GRM8: variants seen among roughly 807,000 people sequenced by gnomAD.
GRM8 encodes the protein glutamate metabotropic receptor 8.
In GRM8, 47 loss-of-function variants were observed where a neutral mutation model predicts 87.2. The ratio of observed to expected loss-of-function variants is 0.54; its 90% CI spans 0.43 to 0.69. GRM8 has a LOEUF of 0.69. GRM8 is among the 30% of genes least tolerant of loss of function. GRM8 has a pLI of 0.00. For synonymous variants in GRM8, 396 were observed against 404.5 expected (o/e 0.98, Z 0.25); for missense variants, 1,019 against 1,139.2 (o/e 0.89, Z 1.52).
At chr7:126,962,621 T>C (rs1809436507) in intron 3 of GRM8, among the ~76,000 whole-genome samples, 2 of 152,230 alleles carry the variant, frequency 1.3e-5, no homozygotes, top group East Asian at 3.8e-4. Context: ...ATAGATACTG[T>C]GCCTTTTAAT....
At chr7:127,020,207 T>A (rs138556183) in intron 3 of GRM8, among the ~76,000 whole-genome samples, 1 of 152,114 alleles carries the variant, frequency 6.6e-6, no homozygotes. Flanking sequence ...GTTAGTATTA[T>A]GTAATCACAA....
chr7:127,149,812 A>G (rs1828752997), intron 2 of GRM8, among the ~76,000 whole-genome samples: 1 of 152,094 alleles, frequency 6.6e-6, no homozygotes, highest in Non-Finnish European at 1.5e-5. Context: ...GGGGGAAAAA[A>G]ATCACATGAC....
intron 1 of GRM8, among the ~76,000 whole-genome samples, chr7:127,247,304 C>G (rs907341334): frequency 1.3e-5 from 2 of 152,206 alleles, no homozygotes; most frequent in Non-Finnish European, 2.9e-5. Flanking sequence ...TCTGCCATCA[C>G]ATCTTCCTTG....
At chr7:126,930,360 T>A (rs898573792) in intron 3 of GRM8, among the ~76,000 whole-genome samples, 2 of 152,198 alleles carry the variant, frequency 1.3e-5, no homozygotes, top group African/African-American at 4.8e-5. Flanking sequence ...GTGGCTGGCA[T>A]ACAAAATAAA....
intron 9 of GRM8, among the ~76,000 whole-genome samples, chr7:126,467,556 T>C (rs1250677622): frequency 6.6e-6 from 1 of 152,038 alleles, no homozygotes; most frequent in Non-Finnish European, 1.5e-5. Flanking sequence ...TATTGAATTG[T>C]TGCTTCCACT....
At chr7:126,440,596 CTATGTTTAGA>C (rs1400816545) in intron 10 of GRM8, among the ~76,000 whole-genome samples, 4 of 151,970 alleles carry the variant, frequency 2.6e-5, no homozygotes, top group Middle Eastern at 3.4e-3. Flanking sequence ...TGTATCTTTA[CTATGTTTAGA>C]TATGTTTAGA....
chr7:127,051,509 G>A (rs2132492729), intron 3 of GRM8, among the ~76,000 whole-genome samples: 1 of 152,092 alleles, frequency 6.6e-6, no homozygotes, highest in East Asian at 1.9e-4. Context: ...ACCTTTTCAT[G>A]ATCCACCAGC....
chr7:126,667,593 T>G (rs1805906399), intron 7 of GRM8, among the ~76,000 whole-genome samples: 1 of 152,168 alleles, frequency 6.6e-6, no homozygotes, highest in Admixed American at 6.5e-5. Flanking sequence ...GACAATGGAC[T>G]TCCAAGATTC....
intron 7 of GRM8, among the ~76,000 whole-genome samples, chr7:126,726,013 T>A (rs1178604486): frequency 6.6e-6 from 1 of 152,146 alleles, no homozygotes; most frequent in African/African-American, 2.4e-5. Flanking sequence ...CATTTCAACA[T>A]CAGATTTGGG....
In GRM8 at chr7:126,764,145, C is replaced by T. The variant is rs538760202; in HGVS notation, c.1357+5720G>A. ...TGAAAATCATCATGAAGTAATTTTT[C>T]CCTTATAGTAATAATCTTTGTCATT... On this transcript the variant is annotated intron_variant, in intron 7 of 10. Coordinates refer to ENST00000339582, the MANE Select transcript of GRM8 (RefSeq NM_000845.3). Among the ~76,000 whole-genome samples the T allele has an allele frequency of 1.0e-3, 158 of 151,902 alleles. No individual in the cohort carries two copies. The Middle Eastern group carries it at 0.014, about 13-fold the overall frequency.
At chr7:126,536,190 A>G (rs1030653037) in intron 8 of GRM8, among the ~76,000 whole-genome samples, 5 of 152,198 alleles carry the variant, frequency 3.3e-5, no homozygotes, top group African/African-American at 1.2e-4. Flanking sequence ...CTTCCAAAGC[A>G]GCCCGAAGTA....
chr7:126,468,843 T>C (rs563144488), intron 9 of GRM8, among the ~76,000 whole-genome samples: 7 of 152,264 alleles, frequency 4.6e-5, no homozygotes, highest in African/African-American at 1.7e-4. Context: ...TACTATTAGA[T>C]TGTCCTCTTC....
At chr7:126,446,740 G>C (rs1236957919) in intron 9 of GRM8, among the ~76,000 whole-genome samples, 1 of 151,978 alleles carries the variant, frequency 6.6e-6, no homozygotes, top group Non-Finnish European at 1.5e-5. Flanking sequence ...AGTGGGCCAA[G>C]TGTTATTGTA....
chr7:126,938,685 A>G (rs1806587149), intron 3 of GRM8, among the ~76,000 whole-genome samples: 1 of 152,228 alleles, frequency 6.6e-6, no homozygotes, highest in African/African-American at 2.4e-5. Flanking sequence ...GAATTGTAAA[A>G]TTAAGACAAT....
At chr7:127,085,355 AT>A (rs1460493226) in intron 3 of GRM8, among the ~76,000 whole-genome samples, 2 of 152,192 alleles carry the variant, frequency 1.3e-5, no homozygotes, top group Non-Finnish European at 2.9e-5. Context: ...GTCAAATAGT[AT>A]TTCTAGTTGT....
At chr7:127,052,683 T>C (rs929893571) in intron 3 of GRM8, among the ~76,000 whole-genome samples, 4 of 152,218 alleles carry the variant, frequency 2.6e-5, no homozygotes, top group African/African-American at 9.6e-5. Context: ...TCCTACTCTT[T>C]AGGCATCACC....
chr7:126,696,348 T>G (rs1225760521), intron 7 of GRM8, among the ~76,000 whole-genome samples: 4 of 152,114 alleles, frequency 2.6e-5, no homozygotes, highest in Non-Finnish European at 5.9e-5. Context: ...GCCCCGCATG[T>G]ATTAGCTATT....
chr7:126,485,466 A>G (rs574715821), intron 9 of GRM8, among the ~76,000 whole-genome samples: 33 of 152,108 alleles, frequency 2.2e-4, no homozygotes, highest in African/African-American at 6.5e-4. Flanking sequence ...CTCGATCCCC[A>G]TAAGTAATTG....
chr7:127,083,347 G>A lies in GRM8; in HGVS notation c.727+23149C>T, dbSNP rs145960792. Among the ~76,000 whole-genome samples, 319 of 152,028 alleles carry A rather than the reference G, an allele frequency of 2.1e-3. 3 individuals are homozygous for A. The highest frequency in any genetic ancestry group is 7.3e-3 in the African/African-American group (304 of 41,470). On this transcript the variant is annotated intron_variant, in intron 3 of 10. Transcript: ENST00000339582. Reference sequence around the variant, plus strand: ...AATTGTTTGATTCTACTTCTTAAAGGTCTTCCTACTAGTCACCTCATCTCC... The same window carrying A: ...AATTGTTTGATTCTACTTCTTAAAGATCTTCCTACTAGTCACCTCATCTCC...
Sources: gnomAD v4.1 joint callset for allele counts (sites outside exome capture counted in the v4.1 genomes callset) on GRCh38, gnomAD v4.1.1 for gene constraint, MANE v1.5 for transcripts, NCBI Gene and HGNC (gene_info 2026-07-23, HGNC 2026-07-21) for gene names.